The following FHIT variants were observed in gnomAD, a reference collection of about 807,000 sequenced individuals.
FHIT encodes the protein bis(5'-adenosyl)-triphosphatase.
A neutral mutation model predicts 17.9 loss-of-function variants in FHIT; 19 were observed. The ratio of observed to expected loss-of-function variants is 1.06; its 90% CI spans 0.74 to 1.56. FHIT has a LOEUF of 1.56. FHIT is among the 40% of genes most tolerant of loss of function. The pLI, the probability that FHIT is intolerant of heterozygous loss-of-function variation, is 0.00. For missense variants in FHIT, 248 were observed against 189.2 expected (o/e 1.31, Z -1.82); for synonymous variants, 81 against 69.7 (o/e 1.16, Z -0.81).
intron 7 of FHIT, among the ~76,000 whole-genome samples, chr3:59,979,477 G>A (rs797002848): frequency 2.0e-5 from 3 of 151,986 alleles, no homozygotes; most frequent in Admixed American, 6.6e-5. Flanking sequence ...CTTGGGAGAG[G>A]AAAGCATTTT....
chr3:59,839,742 C>T lies in FHIT; in HGVS notation c.348+82604G>A, dbSNP rs145389749. Among the ~76,000 whole-genome samples the T allele has an allele frequency of 4.7e-4, 71 of 152,222 alleles. No individual in the cohort carries two copies. In the East Asian group the frequency reaches 0.013, roughly 28 times the overall value. Reference sequence around the variant, plus strand: ...ACTGCTCAGAGAATAGCCTCTGAGACCTGTTTCCTTACCAGGATTCAGAGG... The same window carrying T: ...ACTGCTCAGAGAATAGCCTCTGAGATCTGTTTCCTTACCAGGATTCAGAGG... On this transcript the variant is annotated intron_variant, in intron 8 of 9. Transcript: ENST00000492590.
intron 4 of FHIT, among the ~76,000 whole-genome samples, chr3:60,550,966 G>T (rs568510104): frequency 6.6e-6 from 1 of 152,270 alleles, no homozygotes; most frequent in African/African-American, 2.4e-5. Flanking sequence ...GGAGGAGGCA[G>T]AAGTGGCTGC....
At chr3:60,976,254 A>G (rs970521155) in intron 3 of FHIT, among the ~76,000 whole-genome samples, 3 of 151,442 alleles carry the variant, frequency 2.0e-5, no homozygotes, top group African/African-American at 7.3e-5. Flanking sequence ...TTACAGGCAC[A>G]TGCTATCATG....
At chr3:60,271,300 G>A (rs556984491) in intron 5 of FHIT, among the ~76,000 whole-genome samples, 1 of 152,162 alleles carries the variant, frequency 6.6e-6, no homozygotes, top group Non-Finnish European at 1.5e-5. Flanking sequence ...CTACTCAGGA[G>A]GCTGAGGCAG....
chr3:60,860,855 A>AT (rs1325582418), intron 3 of FHIT, among the ~76,000 whole-genome samples: 2 of 85,800 alleles, frequency 2.3e-5, no homozygotes, highest in African/African-American at 9.2e-5. Context: ...GGTATATATG[A>AT]ACATATGTAC....
In FHIT at chr3:59,773,923, G is replaced by C. The variant is rs554289466; in HGVS notation, c.349-21602C>G. Among the ~76,000 whole-genome samples the C allele has an allele frequency of 7.6e-4, 116 of 152,252 alleles. 1 individual carries two copies. Among genetic ancestry groups the C allele is most frequent in the African/African-American group, 2.7e-3 (112 of 41,568 alleles). ...CAGATTTAGGAGACACTGTGAAAAA[G>C]ACTGTAAAATATCTCATTAATAATT... On this transcript the variant is annotated intron_variant, in intron 8 of 9. Coordinates refer to ENST00000492590, the MANE Select transcript of FHIT (RefSeq NM_002012.4).
intron 4 of FHIT, among the ~76,000 whole-genome samples, chr3:60,578,626 T>C (rs1553658526): frequency 6.6e-6 from 1 of 152,140 alleles, no homozygotes; most frequent in Non-Finnish European, 1.5e-5. Context: ...GGTTTTGTCA[T>C]GAGGAGGACA....
intron 3 of FHIT, among the ~76,000 whole-genome samples, chr3:60,838,253 G>T (rs1553744234): frequency 6.6e-6 from 1 of 152,140 alleles, no homozygotes; most frequent in African/African-American, 2.4e-5. Flanking sequence ...CAGGCGGATT[G>T]CCTGAGCTCA....
intron 5 of FHIT, among the ~76,000 whole-genome samples, chr3:60,103,910 G>C (rs1334481307): frequency 1.3e-5 from 2 of 152,122 alleles, no homozygotes; most frequent in African/African-American, 4.8e-5. Flanking sequence ...CTAAAAAGCA[G>C]ATCACTTTCT....
intron 8 of FHIT, among the ~76,000 whole-genome samples, chr3:59,821,251 G>A (rs1700776619): frequency 6.6e-6 from 1 of 152,146 alleles, no homozygotes; most frequent in East Asian, 1.9e-4. Flanking sequence ...ACCTGAGAAG[G>A]AGCAATCAGA....
chr3:59,759,109 C>A (rs1217052627), intron 8 of FHIT, among the ~76,000 whole-genome samples: 1 of 151,644 alleles, frequency 6.6e-6, no homozygotes, highest in African/African-American at 2.4e-5. Flanking sequence ...AGTAAAGGGG[C>A]AGGAAGGAAT....
intron 4 of FHIT, among the ~76,000 whole-genome samples, chr3:60,720,077 G>A (rs150571603): frequency 2.0e-4 from 31 of 152,224 alleles, no homozygotes; most frequent in African/African-American, 6.5e-4. Context: ...TGAGGGGGTC[G>A]CTTCCCACCT....
chr3:60,054,742 T>A (rs1340005264), intron 5 of FHIT, among the ~76,000 whole-genome samples: 1 of 152,154 alleles, frequency 6.6e-6, no homozygotes, highest in Admixed American at 6.5e-5. Context: ...TTCTACATCA[T>A]TTTCTTTGTT....
intron 8 of FHIT, among the ~76,000 whole-genome samples, chr3:59,808,068 T>A (rs1700272304): frequency 6.6e-6 from 1 of 151,722 alleles, no homozygotes; most frequent in South Asian, 2.1e-4. Flanking sequence ...CCTGCACCCA[T>A]TAAGTGGTAA....
intron 5 of FHIT, among the ~76,000 whole-genome samples, chr3:60,327,510 G>A (rs916780483): frequency 2.0e-5 from 3 of 152,188 alleles, no homozygotes; most frequent in Non-Finnish European, 2.9e-5. Flanking sequence ...ACAGCCAGAG[G>A]ACCAGATGTG....
intron 4 of FHIT, among the ~76,000 whole-genome samples, chr3:60,652,667 G>T (rs1306714776): frequency 5.5e-5 from 8 of 146,408 alleles, no homozygotes; most frequent in Non-Finnish European, 1.0e-4. Context: ...AGCGGAGCTT[G>T]CAGTGAGCTG....
intron 2 of FHIT, among the ~76,000 whole-genome samples, chr3:61,105,613 T>C (rs1001983694): frequency 1.3e-5 from 2 of 151,942 alleles, no homozygotes; most frequent in Admixed American, 6.6e-5. Context: ...AGCAAAAAAG[T>C]CTGGGATCAA....
intron 4 of FHIT, among the ~76,000 whole-genome samples, chr3:60,548,811 T>A (rs188884252): frequency 2.0e-5 from 3 of 152,310 alleles, no homozygotes; most frequent in East Asian, 1.9e-4. Context: ...TCTATTAAGA[T>A]CAACTTGAGA....
intron 8 of FHIT, among the ~76,000 whole-genome samples, chr3:59,812,820 CT>C (rs1467717970): frequency 2.0e-5 from 3 of 152,162 alleles, no homozygotes; most frequent in African/African-American, 7.2e-5. Flanking sequence ...ATTTTTCCTG[CT>C]AGTAGCCAAT....
Sources: gnomAD v4.1 joint callset for allele counts (sites outside exome capture counted in the v4.1 genomes callset) on GRCh38, gnomAD v4.1.1 for gene constraint, MANE v1.5 for transcripts, NCBI Gene and HGNC (gene_info 2026-07-23, HGNC 2026-07-21) for gene names.